The following PCDHA10 variants were observed in gnomAD, a reference collection of about 807,000 sequenced individuals.
The protein encoded by PCDHA10 is protocadherin alpha-10.
In PCDHA10, 45 loss-of-function variants were observed where a neutral mutation model predicts 61.2. That is an observed-to-expected ratio of 0.74 (90% CI 0.58 to 0.94). The LOEUF is 0.94. PCDHA10 is among the 40% of genes least tolerant of loss of function. PCDHA10 has a pLI of 0.00. For missense variants in PCDHA10, 1,278 were observed against 1,236.2 expected, an observed-to-expected ratio of 1.03 and a Z score of -0.51; for synonymous variants, 602 against 548.8, an observed-to-expected ratio of 1.10 and a Z score of -1.35.
chr5:140,959,449 A>G (rs2095488988), intron 1 of PCDHA10, among the ~76,000 whole-genome samples: 1 of 152,196 alleles, frequency 6.6e-6, no homozygotes, highest in South Asian at 2.1e-4. Context: ...TTTTGTGCTG[A>G]AAAGCTGAAG....
chr5:140,881,579 C>T (rs1299755224), intron 1 of PCDHA10, among the ~76,000 whole-genome samples: 1 of 152,168 alleles, frequency 6.6e-6, no homozygotes, highest in Non-Finnish European at 1.5e-5. Context: ...TCTCAAGTCA[C>T]ATTGAGGGAA....
intron 1 of PCDHA10, chr5:140,860,177 G>A (rs1218765460): frequency 6.7e-6 from 1 of 148,372 alleles, no homozygotes; most frequent in Admixed American, 6.7e-5. Flanking sequence ...ATATATATAT[G>A]ATGGGCTCTC....
At chr5:141,004,492 A>G (rs2098168083) in intron 3 of PCDHA10, among the ~76,000 whole-genome samples, 2 of 152,230 alleles carry the variant, frequency 1.3e-5, no homozygotes, top group South Asian at 2.1e-4. Context: ...AACTCTTGGC[A>G]GTCCTGCTGT....
At chr5:140,879,375 C>T (rs2057967921) in intron 1 of PCDHA10, among the ~76,000 whole-genome samples, 1 of 152,076 alleles carries the variant, frequency 6.6e-6, no homozygotes, top group Non-Finnish European at 1.5e-5. Context: ...ACCTGCAGAA[C>T]AAGGTTGGAG....
At chr5:140,969,529 T>G in intron 1 of PCDHA10, 7 of 1,377,800 alleles carry the variant, frequency 5.1e-6, no homozygotes, top group Non-Finnish European at 6.8e-6. Flanking sequence ...GTTTTATTTT[T>G]CATTTTCAGA....
chr5:140,983,218 C>T (rs757778991), intron 3 of PCDHA10, among the ~76,000 whole-genome samples: 10 of 152,128 alleles, frequency 6.6e-5, no homozygotes, highest in Non-Finnish European at 1.5e-4. Flanking sequence ...ATTTCCTAAT[C>T]CAAACTTTCA....
Position 140,901,240 on chromosome 5 carries a change from C to T in PCDHA10, c.2388+42804C>T, listed in dbSNP as rs868923936. 8.9e-4 allele frequency among the ~76,000 whole-genome samples: 135 copies of T among 151,946 alleles called. 1 individual carries two copies. Among genetic ancestry groups the T allele is most frequent in the Middle Eastern group, 6.8e-3 (2 of 294 alleles). The stretch of plus-strand genomic sequence containing the variant: ...TGTGATCCCATATATCCATTTTTTT[C>T]CTTTGGTTCCCTGTGATTGTGGGGT... On this transcript the variant is annotated intron_variant, in intron 1 of 3. Transcript: ENST00000307360.
chr5:140,907,648 G>T (rs2153502267), intron 1 of PCDHA10, among the ~76,000 whole-genome samples: 1 of 152,312 alleles, frequency 6.6e-6, no homozygotes, highest in East Asian at 1.9e-4. Flanking sequence ...TGGCAAATTG[G>T]GCACTCAGCA....
chr5:140,980,229 T>C (rs2096881022), intron 2 of PCDHA10, among the ~76,000 whole-genome samples: 1 of 152,232 alleles, frequency 6.6e-6, no homozygotes, highest in South Asian at 2.1e-4. Flanking sequence ...TCTGAGCTGT[T>C]GGTGGAGACA....
chr5:140,868,706 CAA>C (rs1562618527), intron 1 of PCDHA10: 1 of 185,252 alleles, frequency 5.4e-6, no homozygotes, highest in Non-Finnish European at 1.1e-5. Flanking sequence ...AACATAGACA[CAA>C]TAATTTAAAT....
intron 1 of PCDHA10, among the ~76,000 whole-genome samples, chr5:140,919,522 CT>C (rs1554199133): frequency 1.3e-5 from 2 of 152,000 alleles, no homozygotes; most frequent in Non-Finnish European, 2.9e-5. Flanking sequence ...TTTTAATTCT[CT>C]TTTTTTCCTA....
chr5:140,928,846 C>T, intron 1 of PCDHA10: 1 of 1,614,192 alleles, frequency 6.2e-7, no homozygotes, highest in Non-Finnish European at 8.5e-7. Context: ...CTCTGTCACT[C>T]TGGGTGTGCT....
chr5:140,922,158 A>G (rs1318778340), intron 1 of PCDHA10, among the ~76,000 whole-genome samples: 1 of 149,104 alleles, frequency 6.7e-6, no homozygotes, highest in South Asian at 2.2e-4. Flanking sequence ...CATCAAAAAC[A>G]ACAAAAAGTA....
chr5:140,863,109 G>A, intron 1 of PCDHA10: 1 of 584,624 alleles, frequency 1.7e-6, no homozygotes, highest in Non-Finnish European at 3.4e-6. Flanking sequence ...CCCTGGACGA[G>A]GCGAAAGCTA....
In PCDHA10 at chr5:140,936,286, A is replaced by G. The variant is rs73266055; in HGVS notation, c.2389-42663A>G. Among the ~76,000 whole-genome samples the G allele has an allele frequency of 3.3e-3, 501 of 152,358 alleles. 2 individuals are homozygous for G. The highest frequency in any genetic ancestry group is 0.012 in the African/African-American group (482 of 41,580). On this transcript the variant is annotated intron_variant, in intron 1 of 3. Transcript: ENST00000307360. ...AAGATATATTCCTGTGTTTTCTTCT[A>G]TAACATTGCTATCCAATAGAACTTT...
intron 1 of PCDHA10, chr5:140,863,473 C>A (rs966575223): frequency 6.2e-6 from 3 of 487,660 alleles, no homozygotes; most frequent in South Asian, 1.6e-5. Flanking sequence ...TCTGGAGAGT[C>A]GCCTCCCAAG....
At chr5:140,861,135 G>A (rs1182257816) in intron 1 of PCDHA10, 1 of 153,800 alleles carries the variant, frequency 6.5e-6, no homozygotes, top group East Asian at 1.9e-4. Context: ...AGACCACTTG[G>A]AACCTCAGGA....
chr5:140,967,201 A>G (rs1554229306), intron 1 of PCDHA10: 7 of 1,613,620 alleles, frequency 4.3e-6, no homozygotes, highest in Non-Finnish European at 5.9e-6. Flanking sequence ...ACGACAACTC[A>G]CCGCGTTTCC....
chr5:140,961,639 G>A (rs2095626284), intron 1 of PCDHA10, among the ~76,000 whole-genome samples: 1 of 152,144 alleles, frequency 6.6e-6, no homozygotes, highest in East Asian at 1.9e-4. Flanking sequence ...ACAATCTTAA[G>A]TCTATGTGGT....
Sources: gnomAD v4.1 joint callset for allele counts (sites outside exome capture counted in the v4.1 genomes callset) on GRCh38, gnomAD v4.1.1 for gene constraint, MANE v1.5 for transcripts, NCBI Gene and HGNC (gene_info 2026-07-23, HGNC 2026-07-21) for gene names.